The following PCDH15 variants were observed in gnomAD, a reference collection of about 807,000 sequenced individuals.
PCDH15 encodes protocadherin related 15.
A neutral mutation model predicts 178.5 loss-of-function variants in PCDH15; 129 were observed. That is an observed-to-expected ratio of 0.72 (90% CI 0.63 to 0.84). The LOEUF is 0.84. Ranked by LOEUF, PCDH15 falls within the 40% of genes least tolerant of loss-of-function variation. The pLI is 0.00. For synonymous variants in PCDH15, 800 were observed against 732.0 expected, an observed-to-expected ratio of 1.09 and a Z score of -1.50; for missense variants, 2,230 against 2,099.9, an observed-to-expected ratio of 1.06 and a Z score of -1.21.
chr10:53,932,572 T>C (rs1184650017), intron 25 of PCDH15, among the ~76,000 whole-genome samples: 1 of 152,198 alleles, frequency 6.6e-6, no homozygotes. Context: ...CCCCAGCCAT[T>C]GTATTTTGGG....
Position 53,898,142 on chromosome 10 carries a change from A to G in PCDH15, c.3501+5101T>C, listed in dbSNP as rs1343992693. Reference sequence around the variant, plus strand: ...CCACCACGCCTGGCTAATTTTTTGTATTTTTAGTAGAGACGGGGGTTTCAC... The same window carrying G: ...CCACCACGCCTGGCTAATTTTTTGTGTTTTTAGTAGAGACGGGGGTTTCAC... On this transcript the variant is annotated intron_variant, in intron 26 of 37. Transcript: ENST00000644397. 3.8e-5 allele frequency among the ~76,000 whole-genome samples: 3 copies of G among 78,298 alleles called. No homozygotes were observed. The East Asian group carries it at 3.1e-3, about 82-fold the overall frequency. 51.4% of individuals were successfully genotyped at this position (78,298 alleles called of 152,430 possible). A position where few individuals can be genotyped will look rare whatever the true frequency, so the allele number is the denominator to read the frequency against.
At chr10:54,807,049 G>A (rs1480106380) in intron 3 of PCDH15, among the ~76,000 whole-genome samples, 2 of 152,154 alleles carry the variant, frequency 1.3e-5, no homozygotes, top group East Asian at 3.9e-4. Flanking sequence ...CCTGCACTCA[G>A]AGGGAAAGGA....
At chr10:53,843,315 C>A (rs1170573425) in intron 28 of PCDH15, among the ~76,000 whole-genome samples, 1 of 151,912 alleles carries the variant, frequency 6.6e-6, no homozygotes, top group Admixed American at 6.6e-5. Context: ...TCATAAAAAT[C>A]TATCTTTTCA....
At position 54,978,664 on chromosome 10, in the gene PCDH15, G is replaced by C. The variant is rs527417643; in HGVS notation, c.-79-81164C>G. 4.6e-5 allele frequency among the ~76,000 whole-genome samples: 7 copies of C among 152,208 alleles called. 1 individual carries two copies. The South Asian group carries it at 1.5e-3, about 32-fold the overall frequency. On this transcript the variant is annotated intron_variant, in intron 2 of 5. Coordinates refer to the PCDH15 transcript ENST00000458638. ...CACTAGAGAAGATTTAATAGATACT[G>C]TAATCAATGGAAAAGGCATTGACTT...
chr10:55,317,683 T>G (rs1205455907), intron 1 of PCDH15, among the ~76,000 whole-genome samples: 2 of 147,288 alleles, frequency 1.4e-5, no homozygotes, highest in South Asian at 4.3e-4. Context: ...AATACAGCAA[T>G]AAGAAATATT....
At chr10:55,428,745 ATTG>A (rs1295995184) in intron 2 of PCDH15, among the ~76,000 whole-genome samples, 3 of 151,802 alleles carry the variant, frequency 2.0e-5, no homozygotes, top group Non-Finnish European at 4.4e-5. Flanking sequence ...TTAAGTCTGT[ATTG>A]TTATTTGTTT....
intron 3 of PCDH15, among the ~76,000 whole-genome samples, chr10:54,420,180 T>C (rs1955041247): frequency 6.6e-6 from 1 of 152,118 alleles, no homozygotes; most frequent in South Asian, 2.1e-4. Context: ...GTATTACTTT[T>C]ATATTTAAAT....
chr10:54,472,233 A>G (rs1411408770), intron 3 of PCDH15, among the ~76,000 whole-genome samples: 3 of 151,876 alleles, frequency 2.0e-5, no homozygotes, highest in African/African-American at 7.3e-5. Flanking sequence ...CCTAAACTGC[A>G]TGACTTAGAA....
At chr10:55,582,628 A>ATATTTTTT (rs780312007) in intron 2 of PCDH15, among the ~76,000 whole-genome samples, 11 of 69,040 alleles carry the variant, frequency 1.6e-4, no homozygotes, top group African/African-American at 7.3e-4. Flanking sequence ...ATATATATAT[A>ATATTTTTT]TTTTTTTTTT....
intron 21 of PCDH15, among the ~76,000 whole-genome samples, chr10:53,973,410 T>C (rs941913100): frequency 3.9e-5 from 6 of 152,020 alleles, no homozygotes; most frequent in Admixed American, 2.6e-4. Flanking sequence ...CTGCACGTTG[T>C]GCACATGTAC....
intron 3 of PCDH15, among the ~76,000 whole-genome samples, chr10:54,389,590 C>A (rs1459055479): frequency 6.6e-6 from 1 of 152,088 alleles, no homozygotes; most frequent in East Asian, 1.9e-4. Flanking sequence ...CGGCTCCATC[C>A]CAAACTATTG....
At chr10:54,117,037 G>A (rs1405801522) in intron 15 of PCDH15, among the ~76,000 whole-genome samples, 2 of 152,122 alleles carry the variant, frequency 1.3e-5, no homozygotes, top group South Asian at 2.1e-4. Context: ...GGAAACTTCT[G>A]CGGCCAATGG....
intron 23 of PCDH15, 89 bp from the exon 24 acceptor site, chr10:53,941,064 G>T: frequency 1.1e-6 from 1 of 903,478 alleles, no homozygotes; most frequent in South Asian, 1.4e-5. Context: ...AGAAAGATAA[G>T]AGATTTCTGA....
At chr10:55,600,033 G>A (rs573827848) in intron 2 of PCDH15, 28 of 1,169,680 alleles carry the variant, frequency 2.4e-5, no homozygotes, top group African/African-American at 3.1e-5. Flanking sequence ...ATTCAAACAA[G>A]CCAACAGGCC....
At chr10:54,948,329 C>A (rs920634545) in intron 2 of PCDH15, among the ~76,000 whole-genome samples, 4 of 151,858 alleles carry the variant, frequency 2.6e-5, no homozygotes, top group African/African-American at 4.8e-5. Flanking sequence ...AGGAGATTCC[C>A]CTTAGTTTTT....
intron 3 of PCDH15, among the ~76,000 whole-genome samples, chr10:54,449,398 G>A (rs530131155): frequency 6.6e-6 from 1 of 151,842 alleles, no homozygotes; most frequent in African/African-American, 2.4e-5. Context: ...AAAATCTAGA[G>A]AAACATTCCC....
intron 2 of PCDH15, among the ~76,000 whole-genome samples, chr10:54,538,393 C>A (rs966085441): frequency 1.4e-4 from 22 of 152,096 alleles, no homozygotes; most frequent in African/African-American, 5.3e-4. Context: ...TTATTTTTGT[C>A]AATTTTGTCA....
Position 54,995,364 on chromosome 10 carries a change from A to G in PCDH15, c.-79-97864T>C, listed in dbSNP as rs150673465. 8.9e-5 allele frequency among the ~76,000 whole-genome samples: 13 copies of G among 145,862 alleles called. No homozygotes were observed. The East Asian group carries it at 2.6e-3, about 30-fold the overall frequency. ...GCACTCCAGCCTGGACGACAGAGCG[A>G]GACTACGACAGAGCGAGACTCCGTC... On this transcript the variant is annotated intron_variant, in intron 2 of 5. Transcript: ENST00000458638.
rs72051103 is a variant in PCDH15, at chr10:54,726,419, G to GGTGTGTGT, written c.-28-62137_-28-62130dup. ...CTTTAGCACATTTCTACCCATCAGG[G>GGTGTGTGT]GTGTGTGTGTGTGTGTGTGTGTGTG... On this transcript the variant is annotated intron_variant, in intron 1 of 37. Transcript: ENST00000644397. 3.6e-4 allele frequency among the ~76,000 whole-genome samples: 7 copies of GGTGTGTGT among 19,462 alleles called. No individual in the cohort carries two copies. In the South Asian group the frequency reaches 3.7e-3, roughly 10 times the overall value. 12.8% of individuals were successfully genotyped at this position (19,462 alleles called of 152,430 possible).
Sources: gnomAD v4.1 joint callset for allele counts (sites outside exome capture counted in the v4.1 genomes callset) on GRCh38, gnomAD v4.1.1 for gene constraint, MANE v1.5 for transcripts, NCBI Gene and HGNC (gene_info 2026-07-23, HGNC 2026-07-21) for gene names.